TTBK2: variants seen among roughly 807,000 people sequenced by gnomAD.
The protein encoded by TTBK2 is tau tubulin kinase 2, also known as tau-tubulin kinase 2.
In TTBK2, 28 loss-of-function variants were observed where a neutral mutation model predicts 110.8. That is an observed-to-expected ratio of 0.25 (90% CI 0.19 to 0.35). TTBK2 has a LOEUF of 0.35. Among genes scored for constraint, TTBK2 ranks in the 10% least tolerant of loss-of-function variants. TTBK2 has a pLI of 1.00. For synonymous variants in TTBK2, 532 were observed against 527.3 expected (o/e 1.01, Z -0.12); for missense variants, 1,369 against 1,500.3 (o/e 0.91, Z 1.45).
intron 5 of TTBK2, among the ~76,000 whole-genome samples, chr15:42,829,107 T>A (rs140242192): frequency 6.6e-6 from 1 of 152,230 alleles, no homozygotes; most frequent in Non-Finnish European, 1.5e-5. Flanking sequence ...AAGCTAATTT[T>A]AGAAGTCATG....
chr15:42,764,558 G>A (rs1428660682), intron 13 of TTBK2, among the ~76,000 whole-genome samples: 2 of 152,256 alleles, frequency 1.3e-5, no homozygotes, highest in Admixed American at 6.5e-5. Context: ...AGGGGGAGGG[G>A]CGTCTGCCAT....
intron 1 of TTBK2, among the ~76,000 whole-genome samples, chr15:42,885,893 A>C (rs1439162464): frequency 6.6e-6 from 1 of 152,102 alleles, no homozygotes; most frequent in Non-Finnish European, 1.5e-5. Flanking sequence ...CTTCTGCAAT[A>C]CCGCTTGGCC....
At chr15:42,878,412 G>A (rs1894902728) in intron 2 of TTBK2, 137 bp downstream of exon 2, 1 of 1,494,214 alleles carries the variant, frequency 6.7e-7, no homozygotes, top group Non-Finnish European at 9.0e-7. Context: ...AACTGCTTTA[G>A]GCATATAAGT....
At chr15:42,826,805 G>C (rs1281753379) in intron 6 of TTBK2, among the ~76,000 whole-genome samples, 1 of 152,080 alleles carries the variant, frequency 6.6e-6, no homozygotes, top group African/African-American at 2.4e-5. Flanking sequence ...TTTGCCTAAT[G>C]TTTTCTTTTT....
intron 4 of TTBK2, among the ~76,000 whole-genome samples, chr15:42,830,698 AT>A (rs1158331800): frequency 6.6e-6 from 1 of 151,468 alleles, no homozygotes; most frequent in East Asian, 1.9e-4. Context: ...TTACATTTAT[AT>A]TTATTTATTT....
intron 12 of TTBK2, among the ~76,000 whole-genome samples, chr15:42,776,760 G>T (rs1464813413): frequency 6.6e-6 from 1 of 152,102 alleles, no homozygotes; most frequent in African/African-American, 2.4e-5. Flanking sequence ...CATTTAACTT[G>T]TACCTAGTGT....
At chr15:42,798,351 C>G in intron 9 of TTBK2, 2 of 455,586 alleles carry the variant, frequency 4.4e-6, no homozygotes, top group Non-Finnish European at 8.8e-6. Context: ...TGTCCCATAT[C>G]TCTTCATTGG....
chr15:42,781,821 C>T (rs901466526), intron 11 of TTBK2, among the ~76,000 whole-genome samples: 2 of 152,206 alleles, frequency 1.3e-5, no homozygotes, highest in Middle Eastern at 6.8e-3. Flanking sequence ...TAACCTAAGA[C>T]AGCGGTTACC....
rs2061892273 is a variant in TTBK2, at chr15:42,753,074, T to C, written c.2172A>G (p.Gly724=). ...LVVTEGEPPS[G]GSRTDLGLQI... The stretch of plus-strand genomic sequence containing the variant: ...GAAGCCCCAAATCTGTTCTGCTTCC[T>C]CCACTAGGAGGTTCACCCTCTGTCA... Residue 724 remains glycine, a synonymous_variant, in exon 14 of 15, where the codon GGA becomes GGG. Coordinates refer to ENST00000267890, the MANE Select transcript of TTBK2 (RefSeq NM_173500.4). 1.2e-6 allele frequency: 2 copies of C among 1,609,296 alleles called. No homozygotes were observed. The highest frequency in any genetic ancestry group is 1.7e-6 in the Non-Finnish European group (2 of 1,177,592).
At chr15:42,868,704 A>G (rs1187457405) in intron 3 of TTBK2, among the ~76,000 whole-genome samples, 1 of 151,390 alleles carries the variant, frequency 6.6e-6, no homozygotes, top group Non-Finnish European at 1.5e-5. Flanking sequence ...ACAAAAAAAA[A>G]AAAAAAAATT....
chr15:42,747,642 C>T (rs765285607), intron 14 of TTBK2, among the ~76,000 whole-genome samples: 20 of 152,322 alleles, frequency 1.3e-4, no homozygotes, highest in Non-Finnish European at 1.8e-4. Context: ...GGAGCTCAGG[C>T]GGTAATGCCT....
chr15:42,773,439 TAAAGAAAGAAAG>T (rs72209007), intron 13 of TTBK2, among the ~76,000 whole-genome samples: 16 of 149,496 alleles, frequency 1.1e-4, no homozygotes, highest in South Asian at 6.4e-4. Context: ...TGTGTCTCAG[TAAAGAAAGAAAG>T]AAAGAAAGAA....
intron 1 of TTBK2, among the ~76,000 whole-genome samples, chr15:42,903,131 A>C (rs1248031550): frequency 2.0e-5 from 3 of 152,200 alleles, no homozygotes; most frequent in Non-Finnish European, 4.4e-5. Context: ...GCTAAAATGC[A>C]GATAAACCTT....
intron 9 of TTBK2, among the ~76,000 whole-genome samples, chr15:42,805,685 C>CT (rs1399639691): frequency 6.6e-6 from 1 of 152,228 alleles, no homozygotes; most frequent in Non-Finnish European, 1.5e-5. Flanking sequence ...AGGGAATACT[C>CT]TATCTCCTAG....
At chr15:42,817,177 G>A in intron 6 of TTBK2, 80 bp from the exon 7 acceptor site, 3 of 1,137,798 alleles carry the variant, frequency 2.6e-6, no homozygotes, top group South Asian at 1.6e-5. Flanking sequence ...TGAAGTAAAT[G>A]GAAGAAACAC....
chr15:42,907,461 T>C (rs2030473149), intron 1 of TTBK2, among the ~76,000 whole-genome samples: 1 of 152,216 alleles, frequency 6.6e-6, no homozygotes, highest in African/African-American at 2.4e-5. Context: ...AAAGAAAATG[T>C]GGTATACACT....
At chr15:42,887,825 G>A (rs1374664446) in intron 1 of TTBK2, among the ~76,000 whole-genome samples, 2 of 151,916 alleles carry the variant, frequency 1.3e-5, no homozygotes, top group African/African-American at 2.4e-5. Flanking sequence ...CAAATTACCT[G>A]GGCTGTACTG....
At chr15:42,765,228 C>T (rs906418278) in intron 13 of TTBK2, among the ~76,000 whole-genome samples, 3 of 152,200 alleles carry the variant, frequency 2.0e-5, no homozygotes, top group Non-Finnish European at 4.4e-5. Context: ...GATTGCAGCT[C>T]CTCGCCATCA....
intron 1 of TTBK2, among the ~76,000 whole-genome samples, chr15:42,887,242 C>T (rs568344071): frequency 6.6e-6 from 1 of 152,152 alleles, no homozygotes; most frequent in Non-Finnish European, 1.5e-5. Flanking sequence ...TAGGTCAAGA[C>T]ATTTTAACTA....
Sources: allele counts gnomAD v4.1 joint callset (sites outside exome capture counted in the v4.1 genomes callset), GRCh38; gene constraint gnomAD v4.1.1; transcripts MANE v1.5; gene names NCBI Gene and HGNC (gene_info 2026-07-23, HGNC 2026-07-21).